The following PABIR3 variants were observed in gnomAD, a reference collection of about 807,000 sequenced individuals.
PABIR3 encodes the protein PABIR family member 3, also known as PABIR family member 1.
PABIR3 carries 20 observed loss-of-function variants against 23.1 expected under a neutral mutation model. The ratio of observed to expected loss-of-function variants is 0.86; its 90% CI spans 0.61 to 1.26. The LOEUF is 1.26. PABIR3 is among the 50% of genes most tolerant of loss of function. PABIR3 has a pLI of 0.00. For synonymous variants in PABIR3, 69 were observed against 68.5 expected, an observed-to-expected ratio of 1.01 and a Z score of -0.04; for missense variants, 189 against 195.4, an observed-to-expected ratio of 0.97 and a Z score of 0.20.
In PABIR3 at chrX:134,845,195, A is replaced by G; in HGVS notation, c.247-10A>G. 1 of 1,185,494 alleles carries G rather than the reference A, an allele frequency of 8.4e-7. No homozygotes were observed. The highest frequency in any genetic ancestry group is 1.1e-6 in the Non-Finnish European group (1 of 880,240). On this transcript the variant is annotated splice_polypyrimidine_tract_variant and intron_variant, in intron 4 of 10. Transcript: ENST00000645433. Reference sequence around the variant, plus strand: ...GTATTCAGTTTATTCTCATTTTCCTACCTTTACAGGAAGAAGCCATGGATT... The same window carrying G: ...GTATTCAGTTTATTCTCATTTTCCTGCCTTTACAGGAAGAAGCCATGGATT...
chrX:134,807,623 G>A lies in PABIR3; in HGVS notation c.25G>A (p.Gly9Ser). The change falls in exon 2 of 11, where the codon GGT (glycine) becomes AGT (serine). Residue 9 changes from glycine (G) to serine (S), a missense_variant. Coordinates refer to ENST00000645433, the MANE Select transcript of PABIR3 (RefSeq NM_001388447.1). ...CATGGCACAGGAGAAAATGAAACTA[G>A]GTTTCAAGTCGCTGCCGAGTTCCAC... MAQEKMKL[G>S]FKSLPSSTTA... 8.3e-7 allele frequency: 1 copy of A among 1,210,415 alleles called. No homozygotes were observed.
At chrX:134,841,965 T>G (rs1179462712) in intron 4 of PABIR3, among the ~76,000 whole-genome samples, 1 of 111,883 alleles carries the variant, frequency 8.9e-6, no homozygotes, top group Non-Finnish European at 1.9e-5. Flanking sequence ...CCAGCCTGTG[T>G]GACAGAGTGA....
downstream of PABIR3, among the ~76,000 whole-genome samples, chrX:134,855,217 A>C (rs965432401): frequency 9.1e-6 from 1 of 110,366 alleles, no homozygotes. Flanking sequence ...GGTGGATCAC[A>C]AGGTCAGGAG....
intron 2 of PABIR3, chrX:134,809,310 C>T (rs1416800172): frequency 1.6e-5 from 2 of 123,258 alleles, no homozygotes; most frequent in Non-Finnish European, 3.2e-5. Flanking sequence ...GGACTTCAGG[C>T]ACCCGCCACC....
chrX:134,801,509 C>A (rs2080064099), intron 1 of PABIR3, among the ~76,000 whole-genome samples: 1 of 112,540 alleles, frequency 8.9e-6, no homozygotes, highest in Non-Finnish European at 1.9e-5. Flanking sequence ...GTCCCAGGGA[C>A]CCTTTGGCCC....
intron 4 of PABIR3, among the ~76,000 whole-genome samples, chrX:134,839,883 G>A (rs1437049771): frequency 8.9e-6 from 1 of 112,806 alleles, no homozygotes; most frequent in African/African-American, 3.2e-5. Context: ...CATTGAGAAC[G>A]GGCCATGATG....
At chrX:134,813,994 A>T (rs780724236) in intron 2 of PABIR3, among the ~76,000 whole-genome samples, 2 of 108,950 alleles carry the variant, frequency 1.8e-5, no homozygotes, top group Non-Finnish European at 3.8e-5. Flanking sequence ...TTTAATGTGA[A>T]ATCTTTCAGT....
At chrX:134,857,366 G>A (rs1017925925), downstream of PABIR3, among the ~76,000 whole-genome samples, 9 of 110,606 alleles carry the variant, frequency 8.1e-5, no homozygotes, top group Non-Finnish European at 1.7e-4. Context: ...GTCCTGTGTC[G>A]TCATATGGCC....
chrX:134,834,849 G>A (rs2148283493), intron 4 of PABIR3, among the ~76,000 whole-genome samples: 1 of 111,368 alleles, frequency 9.0e-6, no homozygotes, highest in South Asian at 3.8e-4. Context: ...TGAGGTCTCT[G>A]TTCTGTTCCA....
chrX:134,800,568 G>A (rs897971219), intron 1 of PABIR3, among the ~76,000 whole-genome samples: 1 of 111,747 alleles, frequency 8.9e-6, no homozygotes, highest in African/African-American at 3.3e-5. Flanking sequence ...GAGGTGGGCG[G>A]ATCACAAGGT....
chrX:134,828,039 C>CTATATATATATA (rs1174836921), intron 3 of PABIR3, among the ~76,000 whole-genome samples: 2 of 73,416 alleles, frequency 2.7e-5, no homozygotes, highest in African/African-American at 4.9e-5. Context: ...CTCTCTCTCT[C>CTATATATATATA]TCTCTCTCTA....
In PABIR3 at chrX:134,810,886, G is replaced by A. The variant is rs745729862; in HGVS notation, c.110+3178G>A. ...CAGTCCCTCAGAAAGAAGTAACATA[G>A]GAATGATGTGTGACATGCCTGAGGT... On this transcript the variant is annotated intron_variant, in intron 2 of 10. Transcript: ENST00000645433. 6.0e-5 allele frequency: 45 copies of A among 751,979 alleles called. No homozygotes were observed. The Middle Eastern group carries it at 3.0e-3, about 51-fold the overall frequency. The allele number at this position is 751,979 out of a possible 1,213,427, so 62.0% of individuals were successfully genotyped here.
intron 3 of PABIR3, among the ~76,000 whole-genome samples, chrX:134,820,004 C>T (rs187360380): frequency 9.0e-5 from 10 of 111,346 alleles, no homozygotes; most frequent in Admixed American, 6.7e-4. Context: ...GGTTCTAGGC[C>T]GGGTTAGTTC....
chrX:134,855,936 G>A (rs189875064), downstream of PABIR3, among the ~76,000 whole-genome samples: 7 of 111,617 alleles, frequency 6.3e-5, no homozygotes, highest in East Asian at 2.0e-3. Context: ...GGAATGAGGT[G>A]TGGTTGCAGT....
chrX:134,832,270 G>A (rs1439980856), intron 4 of PABIR3, among the ~76,000 whole-genome samples: 1 of 106,941 alleles, frequency 9.4e-6, no homozygotes, highest in African/African-American at 3.4e-5. Context: ...GAGAGACTCC[G>A]TCTCAAAAAA....
chrX:134,843,407 G>GT (rs1354324092), intron 4 of PABIR3, among the ~76,000 whole-genome samples: 9 of 105,113 alleles, frequency 8.6e-5, no homozygotes, highest in Non-Finnish European at 1.4e-4. Context: ...TCTGCATAGG[G>GT]TAAAAAAAAA....
Position 134,845,197 on chromosome X carries a change from C to A in PABIR3, c.247-8C>A. 2 of 1,185,828 alleles carry A rather than the reference C, an allele frequency of 1.7e-6. No individual in the cohort carries two copies. Among genetic ancestry groups the A allele is most frequent in the Non-Finnish European group, 2.3e-6 (2 of 880,617 alleles). ...ATTCAGTTTATTCTCATTTTCCTAC[C>A]TTTACAGGAAGAAGCCATGGATTTA... On this transcript the variant is annotated splice_polypyrimidine_tract_variant and splice_region_variant and intron_variant, in intron 4 of 10. Coordinates refer to ENST00000645433, the MANE Select transcript of PABIR3 (RefSeq NM_001388447.1).
the PABIR3 span, among the ~76,000 whole-genome samples, chrX:134,862,013 T>G: frequency 9.0e-6 from 1 of 111,097 alleles, no homozygotes; most frequent in South Asian, 3.8e-4. Flanking sequence ...CATGGAAATC[T>G]TGGCAACAAT....
intron 2 of PABIR3, among the ~76,000 whole-genome samples, chrX:134,812,940 A>G (rs2080757603): frequency 8.9e-6 from 1 of 111,930 alleles, no homozygotes; most frequent in South Asian, 3.7e-4. Flanking sequence ...CCGTGCTTTT[A>G]AAAGAGTTAA....
Sources: allele counts gnomAD v4.1 joint callset (sites outside exome capture counted in the v4.1 genomes callset), GRCh38; gene constraint gnomAD v4.1.1; transcripts MANE v1.5; gene names NCBI Gene and HGNC (gene_info 2026-07-23, HGNC 2026-07-21).